TAFA4: variants seen among roughly 807,000 people sequenced by gnomAD.
TAFA4 encodes the protein chemokine-like protein TAFA-4.
A neutral mutation model predicts 21.1 loss-of-function variants in TAFA4; 20 were observed. The observed-to-expected ratio is 0.95, with a 90% CI of 0.67 to 1.38. The LOEUF (loss-of-function observed/expected upper bound fraction) is 1.38. Among genes scored for constraint, TAFA4 ranks in the 40% most tolerant of loss-of-function variants. TAFA4 has a pLI of 0.00. For synonymous variants in TAFA4, 71 were observed against 67.4 expected (o/e 1.05, Z -0.26); for missense variants, 211 against 180.9 (o/e 1.17, Z -0.95).
intron 5 of TAFA4, among the ~76,000 whole-genome samples, chr3:68,733,570 C>T (rs2106717953): frequency 6.6e-6 from 1 of 152,202 alleles, no homozygotes; most frequent in East Asian, 1.9e-4. Context: ...AGTTAACTTT[C>T]ACTTTTGAAA....
intron 1 of TAFA4, among the ~76,000 whole-genome samples, chr3:68,910,057 T>C (rs2089945699): frequency 6.6e-6 from 1 of 152,184 alleles, no homozygotes. Flanking sequence ...TCACCTGCAG[T>C]CCTTTACCAC....
intron 3 of TAFA4, among the ~76,000 whole-genome samples, chr3:68,781,715 C>G (rs9882142): frequency 0.28 from 42,072 of 152,044 alleles, 7,206 homozygotes; most frequent in Non-Finnish European, 0.39. Flanking sequence ...TCTACACAAA[C>G]TCTTCCAGAA....
chr3:68,773,849 G>A (rs1281882171), intron 3 of TAFA4, among the ~76,000 whole-genome samples: 1 of 152,150 alleles, frequency 6.6e-6, no homozygotes. Context: ...AGGGAAACAA[G>A]GAATAATGTG....
intron 3 of TAFA4, among the ~76,000 whole-genome samples, chr3:68,874,316 T>C (rs148205263): frequency 8.4e-4 from 128 of 152,302 alleles, no homozygotes; most frequent in Non-Finnish European, 1.6e-3. Flanking sequence ...TTATTTCCAG[T>C]GTTCTATTCT....
intron 3 of TAFA4, among the ~76,000 whole-genome samples, chr3:68,799,609 T>C (rs1004235378): frequency 2.6e-5 from 4 of 152,242 alleles, no homozygotes; most frequent in African/African-American, 9.6e-5. Flanking sequence ...TTTAATCCCA[T>C]AGCTCCTTAT....
chr3:68,816,008 CT>C (rs1303480835), intron 3 of TAFA4, among the ~76,000 whole-genome samples: 4 of 152,208 alleles, frequency 2.6e-5, no homozygotes, highest in African/African-American at 9.6e-5. Flanking sequence ...CGTTCATGTC[CT>C]TTGTAGGGAC....
chr3:68,793,112 G>C (rs1703393315), intron 3 of TAFA4, among the ~76,000 whole-genome samples: 1 of 152,108 alleles, frequency 6.6e-6, no homozygotes, highest in Non-Finnish European at 1.5e-5. Context: ...AATATAGGCA[G>C]TTAATCACTC....
chr3:68,741,436 G>A lies in TAFA4; in HGVS notation c.287-2237C>T, dbSNP rs556864631. Among the ~76,000 whole-genome samples, 22 of 152,164 alleles carry A rather than the reference G, an allele frequency of 1.4e-4. No individual in the cohort carries two copies. The South Asian group carries it at 1.7e-3, about 11-fold the overall frequency. Reference sequence around the variant, plus strand: ...GGATTGTTCATTGCTAGAGAAATGCGACTGAGTTTTGGATGTAGATTTTGT... The same window carrying A: ...GGATTGTTCATTGCTAGAGAAATGCAACTGAGTTTTGGATGTAGATTTTGT... On this transcript the variant is annotated intron_variant, in intron 4 of 5. Coordinates refer to ENST00000295569, the MANE Select transcript of TAFA4 (RefSeq NM_182522.5).
chr3:68,795,159 G>C (rs968704618), intron 3 of TAFA4, among the ~76,000 whole-genome samples: 1 of 151,484 alleles, frequency 6.6e-6, no homozygotes, highest in Non-Finnish European at 1.5e-5. Flanking sequence ...TTTGTGCTGG[G>C]AGTTCAGCAG....
At chr3:68,807,779 C>T (rs1339309809) in intron 3 of TAFA4, among the ~76,000 whole-genome samples, 1 of 152,188 alleles carries the variant, frequency 6.6e-6, no homozygotes, top group Non-Finnish European at 1.5e-5. Flanking sequence ...GCATCACCTA[C>T]ATAAGATTGC....
At chr3:68,806,631 T>C (rs909668920) in intron 3 of TAFA4, among the ~76,000 whole-genome samples, 1 of 152,164 alleles carries the variant, frequency 6.6e-6, no homozygotes, top group East Asian at 1.9e-4. Context: ...GTTGAAACCC[T>C]AGCCCCTGCA....
intron 3 of TAFA4, among the ~76,000 whole-genome samples, chr3:68,838,633 T>C (rs943292824): frequency 6.6e-6 from 1 of 152,208 alleles, no homozygotes; most frequent in Non-Finnish European, 1.5e-5. Flanking sequence ...TTTTGTCACA[T>C]ATTATTCTCT....
intron 3 of TAFA4, among the ~76,000 whole-genome samples, chr3:68,796,111 C>G (rs2106819897): frequency 6.6e-6 from 1 of 152,244 alleles, no homozygotes; most frequent in South Asian, 2.1e-4. Context: ...GTGACACAAG[C>G]ACCCCTGTGG....
At chr3:68,806,171 G>A (rs768416992) in intron 3 of TAFA4, among the ~76,000 whole-genome samples, 5 of 152,012 alleles carry the variant, frequency 3.3e-5, no homozygotes, top group Non-Finnish European at 7.4e-5. Context: ...TTATGCCTCA[G>A]TAGTCAGGAA....
intron 1 of TAFA4, among the ~76,000 whole-genome samples, chr3:68,896,567 T>C (rs1379685661): frequency 2.6e-5 from 4 of 152,234 alleles, no homozygotes; most frequent in African/African-American, 9.6e-5. Flanking sequence ...CTAGAGCTGA[T>C]GTCTGTCTCA....
At chr3:68,831,742 G>A (rs569717096) in intron 3 of TAFA4, among the ~76,000 whole-genome samples, 1 of 152,230 alleles carries the variant, frequency 6.6e-6, no homozygotes, top group South Asian at 2.1e-4. Context: ...TTGTTAGGTT[G>A]GGGAAGTTCT....
At chr3:68,839,526 G>A (rs1446711766) in intron 3 of TAFA4, among the ~76,000 whole-genome samples, 1 of 152,168 alleles carries the variant, frequency 6.6e-6, no homozygotes, top group South Asian at 2.1e-4. Flanking sequence ...AAATGAGAAA[G>A]ATTCCAACAG....
chr3:68,876,337 C>T (rs2089549722), intron 3 of TAFA4, among the ~76,000 whole-genome samples: 1 of 152,088 alleles, frequency 6.6e-6, no homozygotes, highest in African/African-American at 2.4e-5. Flanking sequence ...GCAATGCAGG[C>T]AAATCATTTT....
At position 68,783,746 on chromosome 3, in the gene TAFA4, TAAGA is replaced by T. The variant is rs199752997; in HGVS notation, c.131-30732_131-30729del. ...GAAAGAAAGAAAGAAAGAAAGAAAGTAAGAAAGAAAGAAACAAAAACAAAGAAAC... is the reference window on the plus strand; with the variant it reads ...GAAAGAAAGAAAGAAAGAAAGAAAGTAAGAAAGAAACAAAAACAAAGAAAC... On this transcript the variant is annotated intron_variant, in intron 3 of 5. Coordinates refer to ENST00000295569, the MANE Select transcript of TAFA4 (RefSeq NM_182522.5). 9.2e-3 allele frequency among the ~76,000 whole-genome samples: 707 copies of T among 76,882 alleles called. 7 individuals are homozygous for T. Among genetic ancestry groups the T allele is most frequent in the African/African-American group, 0.024 (579 of 24,616 alleles). 50.4% of individuals were successfully genotyped at this position (76,882 alleles called of 152,430 possible).
Sources: allele counts gnomAD v4.1 joint callset (sites outside exome capture counted in the v4.1 genomes callset), GRCh38; gene constraint gnomAD v4.1.1; transcripts MANE v1.5; gene names NCBI Gene and HGNC (gene_info 2026-07-23, HGNC 2026-07-21).